Variants in CDKAL1 observed in about 807,000 individuals in gnomAD.
CDKAL1 encodes threonylcarbamoyladenosine tRNA methylthiotransferase.
CDKAL1 carries 32 observed loss-of-function variants against 68.2 expected under a neutral mutation model. The ratio of observed to expected loss-of-function variants is 0.47; its 90% CI spans 0.35 to 0.63. CDKAL1 has a LOEUF of 0.63. CDKAL1 is among the 30% of genes least tolerant of loss of function. The pLI, the probability that CDKAL1 is intolerant of heterozygous loss-of-function variation, is 0.00. For missense variants in CDKAL1, 606 were observed against 696.7 expected, an observed-to-expected ratio of 0.87 and a Z score of 1.47; for synonymous variants, 234 against 244.3, an observed-to-expected ratio of 0.96 and a Z score of 0.39.
At chr6:20,626,435 T>G (rs1032960860) in intron 4 of CDKAL1, among the ~76,000 whole-genome samples, 5 of 152,160 alleles carry the variant, frequency 3.3e-5, no homozygotes, top group Non-Finnish European at 5.9e-5. Context: ...TGAAGTAATA[T>G]ATGAGAATAT....
intron 8 of CDKAL1, among the ~76,000 whole-genome samples, chr6:20,792,552 G>A (rs907939423): frequency 1.3e-5 from 2 of 152,040 alleles, no homozygotes; most frequent in Non-Finnish European, 2.9e-5. Context: ...TTTTTAGTCC[G>A]TTCTCCTCCC....
chr6:20,703,647 C>T (rs888034697), intron 5 of CDKAL1, among the ~76,000 whole-genome samples: 14 of 152,146 alleles, frequency 9.2e-5, no homozygotes, highest in South Asian at 4.2e-4. Flanking sequence ...TTTAGTATGT[C>T]AATGACTACA....
intron 8 of CDKAL1, among the ~76,000 whole-genome samples, chr6:20,826,592 A>G (rs1209041644): frequency 6.6e-6 from 1 of 152,126 alleles, no homozygotes; most frequent in Non-Finnish European, 1.5e-5. Flanking sequence ...TGTTTTTAAT[A>G]GATAAACGTC....
chr6:21,112,486 TCTTG>T (rs1774172705), intron 13 of CDKAL1, among the ~76,000 whole-genome samples: 1 of 152,246 alleles, frequency 6.6e-6, no homozygotes. Flanking sequence ...GAAGTGGGCT[TCTTG>T]CTTTCTTTTA....
At chr6:21,148,849 A>G (rs1469981781) in intron 13 of CDKAL1, among the ~76,000 whole-genome samples, 2 of 152,232 alleles carry the variant, frequency 1.3e-5, no homozygotes, top group Non-Finnish European at 2.9e-5. Flanking sequence ...AAGTACACAT[A>G]CTTTTCAATT....
chr6:21,219,809 C>T (rs1213737544), intron 15 of CDKAL1, among the ~76,000 whole-genome samples: 2 of 152,090 alleles, frequency 1.3e-5, no homozygotes, highest in South Asian at 2.1e-4. Context: ...TTCATGGTTA[C>T]CTAGTTGGAA....
intron 7 of CDKAL1, among the ~76,000 whole-genome samples, chr6:20,777,053 C>T (rs188378672): frequency 1.2e-3 from 177 of 152,282 alleles, no homozygotes; most frequent in Middle Eastern, 0.01. Flanking sequence ...AATGGACAGA[C>T]GGACTAGCCA....
intron 4 of CDKAL1, among the ~76,000 whole-genome samples, chr6:20,613,233 A>G (rs964630850): frequency 8.5e-5 from 11 of 129,202 alleles, no homozygotes; most frequent in Admixed American, 7.0e-4. Context: ...TTATCAGTTC[A>G]TCACAAAATT....
At chr6:20,582,615 C>T (rs1581762792) in intron 4 of CDKAL1, among the ~76,000 whole-genome samples, 1 of 152,188 alleles carries the variant, frequency 6.6e-6, no homozygotes, top group South Asian at 2.1e-4. Flanking sequence ...AATCTATTTA[C>T]GTTGTGGTCA....
At chr6:21,230,787 A>G (rs549969007) in intron 15 of CDKAL1, 61 bp from the exon 16 acceptor site, 114 of 1,320,376 alleles carry the variant, frequency 8.6e-5, no homozygotes, top group Admixed American at 7.4e-4. Context: ...CTTGATTGAT[A>G]TCACAACAGG....
intron 6 of CDKAL1, among the ~76,000 whole-genome samples, chr6:20,747,350 T>C (rs1254124343): frequency 6.6e-6 from 1 of 152,232 alleles, no homozygotes; most frequent in Non-Finnish European, 1.5e-5. Flanking sequence ...CCTTTGGATA[T>C]ATAAGGATTG....
intron 13 of CDKAL1, among the ~76,000 whole-genome samples, chr6:21,171,005 A>G (rs1044374679): frequency 3.3e-5 from 5 of 152,232 alleles, no homozygotes; most frequent in South Asian, 2.1e-4. Context: ...ACCCACTTTT[A>G]TTAGTAAGAT....
intron 10 of CDKAL1, among the ~76,000 whole-genome samples, chr6:20,968,591 T>G (rs1326541328): frequency 6.6e-6 from 1 of 152,136 alleles, no homozygotes; most frequent in Non-Finnish European, 1.5e-5. Context: ...TAAGGCTCTG[T>G]TAATTTTTTC....
At chr6:20,810,675 C>G (rs927068016) in intron 8 of CDKAL1, among the ~76,000 whole-genome samples, 1 of 91,128 alleles carries the variant, frequency 1.1e-5, no homozygotes, top group Non-Finnish European at 2.4e-5. Context: ...TAATATATTG[C>G]TAAAAAAAAA....
At chr6:20,675,691 A>G (rs185514567) in intron 5 of CDKAL1, among the ~76,000 whole-genome samples, 81 of 152,366 alleles carry the variant, frequency 5.3e-4, no homozygotes, top group African/African-American at 1.6e-3. Context: ...TCGTGTACAT[A>G]CATAATACTT....
intron 9 of CDKAL1, among the ~76,000 whole-genome samples, chr6:20,901,434 G>A (rs1464817572): frequency 1.3e-5 from 2 of 151,828 alleles, no homozygotes; most frequent in Non-Finnish European, 2.9e-5. Context: ...CAGCACTTTG[G>A]GAGGCCGAGG....
intron 8 of CDKAL1, among the ~76,000 whole-genome samples, chr6:20,809,567 G>A (rs1262166967): frequency 6.6e-6 from 1 of 152,106 alleles, no homozygotes; most frequent in African/African-American, 2.4e-5. Context: ...GGCCTTAGAG[G>A]AGGCAACATA....
chr6:21,069,850 C>A (rs372161648), intron 12 of CDKAL1, among the ~76,000 whole-genome samples: 1 of 125,752 alleles, frequency 8.0e-6, no homozygotes, highest in African/African-American at 2.9e-5. Context: ...GCTGCAGTGG[C>A]GCCATCTCAG....
At chr6:21,007,018 A>T (rs1302419109) in intron 11 of CDKAL1, among the ~76,000 whole-genome samples, 1 of 152,154 alleles carries the variant, frequency 6.6e-6, no homozygotes, top group Non-Finnish European at 1.5e-5. Flanking sequence ...TTTTTGACAG[A>T]GTGCTTTCAT....
Sources: gnomAD v4.1 joint callset for allele counts (sites outside exome capture counted in the v4.1 genomes callset) on GRCh38, gnomAD v4.1.1 for gene constraint, MANE v1.5 for transcripts, NCBI Gene and HGNC (gene_info 2026-07-23, HGNC 2026-07-21) for gene names.